The following PARVA variants were observed in gnomAD, a reference collection of about 807,000 sequenced individuals.
The protein encoded by PARVA is parvin alpha, also known as alpha-parvin.
Under a neutral mutation model 52.6 loss-of-function variants are expected in PARVA, and 25 were observed. The observed-to-expected ratio is 0.48, with a 90% CI of 0.35 to 0.66. PARVA has a LOEUF of 0.66. Ranked by LOEUF, PARVA falls within the 30% of genes least tolerant of loss-of-function variation. PARVA has a pLI of 0.01. For synonymous variants in PARVA, 185 were observed against 179.1 expected (o/e 1.03, Z -0.26); for missense variants, 373 against 450.9 (o/e 0.83, Z 1.56).
chr11:12,510,567 ATGAAAAATGG>A (rs11280365), intron 7 of PARVA, among the ~76,000 whole-genome samples: 39,964 of 151,766 alleles, frequency 0.26, 5,649 homozygotes, highest in African/African-American at 0.36. Context: ...AAAACTGGGA[ATGAAAAATGG>A]TGAAAAATGG....
Position 12,529,765 on chromosome 11 carries a change from C to T in PARVA, c.*1840C>T, listed in dbSNP as rs2135096362. 6.6e-6 allele frequency: 1 copy of T among 152,276 alleles called. No homozygotes were observed. The highest frequency in any genetic ancestry group is 2.1e-4 in the South Asian group (1 of 4,828). The allele number at this position is 152,276 out of a possible 1,614,324, so 9.4% of individuals were successfully genotyped here. ...AAATTTAGATAACTACATGTCTTTG[C>T]TCTTAGAATTGTCACTCAGCATAAT... On this transcript the variant is annotated 3_prime_UTR_variant, in exon 13 of 13. Coordinates refer to ENST00000334956, the MANE Select transcript of PARVA (RefSeq NM_018222.5).
chr11:12,502,357 C>T (rs1941373043), intron 5 of PARVA, among the ~76,000 whole-genome samples: 2 of 152,098 alleles, frequency 1.3e-5, no homozygotes, highest in African/African-American at 4.8e-5. Context: ...CCAGGGAAGA[C>T]AGAATGACAT....
chr11:12,399,565 A>C (rs1054462386), intron 1 of PARVA, among the ~76,000 whole-genome samples: 4 of 152,234 alleles, frequency 2.6e-5, no homozygotes, highest in Non-Finnish European at 5.9e-5. Context: ...ACAGGGAGCA[A>C]ACAGTTCCCA....
intron 1 of PARVA, among the ~76,000 whole-genome samples, chr11:12,454,350 A>T (rs1940665041): frequency 6.6e-6 from 1 of 152,212 alleles, no homozygotes; most frequent in South Asian, 2.1e-4. Context: ...TAATTTGTTG[A>T]CTTTCCTTAG....
intron 4 of PARVA, among the ~76,000 whole-genome samples, chr11:12,495,606 T>A (rs1941288852): frequency 7.2e-6 from 1 of 139,008 alleles, no homozygotes; most frequent in African/African-American, 2.6e-5. Flanking sequence ...ACAAAATGAT[T>A]AGACTGAGTT....
At chr11:12,377,857 G>T in intron 1 of PARVA, 74 bp downstream of exon 1, 1 of 1,145,920 alleles carries the variant, frequency 8.7e-7, no homozygotes, top group Non-Finnish European at 1.1e-6. Flanking sequence ...CCGGGGCACT[G>T]GGACCGGGCG....
chr11:12,514,574 G>T (rs1941546316), intron 10 of PARVA, among the ~76,000 whole-genome samples: 1 of 152,090 alleles, frequency 6.6e-6, no homozygotes, highest in African/African-American at 2.4e-5. Context: ...TGCAACCTCT[G>T]CCTCCCAGGT....
At chr11:12,417,677 C>T (rs961311797) in intron 1 of PARVA, among the ~76,000 whole-genome samples, 3 of 152,112 alleles carry the variant, frequency 2.0e-5, no homozygotes, top group Non-Finnish European at 4.4e-5. Context: ...AGTGTTTTTC[C>T]ACAGAGAAGG....
At chr11:12,393,604 A>C (rs1299830175) in intron 1 of PARVA, among the ~76,000 whole-genome samples, 3 of 152,160 alleles carry the variant, frequency 2.0e-5, no homozygotes, top group Non-Finnish European at 2.9e-5. Context: ...GGTGAGAAAG[A>C]AAGCAAGGAC....
chr11:12,386,515 G>A (rs1939574240), intron 1 of PARVA, among the ~76,000 whole-genome samples: 1 of 152,136 alleles, frequency 6.6e-6, no homozygotes, highest in Non-Finnish European at 1.5e-5. Flanking sequence ...TCTATACTCT[G>A]TGCTAGCACT....
intron 1 of PARVA, among the ~76,000 whole-genome samples, chr11:12,407,430 A>C (rs1016232462): frequency 6.6e-6 from 1 of 152,248 alleles, no homozygotes; most frequent in African/African-American, 2.4e-5. Flanking sequence ...GTTGAAGCAT[A>C]GAGGAGATAA....
chr11:12,417,685 A>C (rs2134981058), intron 1 of PARVA, among the ~76,000 whole-genome samples: 1 of 152,280 alleles, frequency 6.6e-6, no homozygotes. Flanking sequence ...TCCACAGAGA[A>C]GGGCCCAAGT....
intron 10 of PARVA, 133 bp downstream of exon 10, chr11:12,514,198 TG>T: frequency 1.5e-6 from 1 of 658,184 alleles, no homozygotes; most frequent in Non-Finnish European, 2.7e-6. Flanking sequence ...TGTCCTACTC[TG>T]AGGGGTGGAC....
chr11:12,448,059 A>T (rs1202170808), intron 1 of PARVA, among the ~76,000 whole-genome samples: 1 of 152,208 alleles, frequency 6.6e-6, no homozygotes, highest in Non-Finnish European at 1.5e-5. Flanking sequence ...TATCTTTCAT[A>T]TAGGAGGTGC....
chr11:12,420,876 A>T (rs761791668), intron 1 of PARVA, among the ~76,000 whole-genome samples: 4 of 152,162 alleles, frequency 2.6e-5, no homozygotes, highest in Non-Finnish European at 5.9e-5. Context: ...TCCAGGCGGT[A>T]GAGTCCAGAG....
At chr11:12,383,924 A>G (rs1317434314) in intron 1 of PARVA, among the ~76,000 whole-genome samples, 2 of 152,160 alleles carry the variant, frequency 1.3e-5, no homozygotes, top group African/African-American at 4.8e-5. Context: ...GTTGTTGTCC[A>G]TAGCCCCTAA....
At chr11:12,405,005 C>T (rs762807707) in intron 1 of PARVA, among the ~76,000 whole-genome samples, 2 of 152,124 alleles carry the variant, frequency 1.3e-5, no homozygotes, top group Admixed American at 6.5e-5. Flanking sequence ...GGTCAGCTAC[C>T]GTCTGGGTAT....
intron 1 of PARVA, among the ~76,000 whole-genome samples, chr11:12,406,827 T>G (rs1939919048): frequency 6.6e-6 from 1 of 151,954 alleles, no homozygotes; most frequent in Non-Finnish European, 1.5e-5. Flanking sequence ...CCCGCCACCA[T>G]GCCCGGCTAA....
At chr11:12,493,809 G>C (rs990216232) in intron 4 of PARVA, among the ~76,000 whole-genome samples, 2 of 152,120 alleles carry the variant, frequency 1.3e-5, no homozygotes, top group African/African-American at 4.8e-5. Context: ...TCCACACTAA[G>C]CAATTTTCCA....
Sources: gnomAD v4.1 joint callset for allele counts (sites outside exome capture counted in the v4.1 genomes callset) on GRCh38, gnomAD v4.1.1 for gene constraint, MANE v1.5 for transcripts, NCBI Gene and HGNC (gene_info 2026-07-23, HGNC 2026-07-21) for gene names.